PARVB: variants seen among roughly 807,000 people sequenced by gnomAD.
PARVB encodes parvin beta, also known as beta-parvin.
A neutral mutation model predicts 47.0 loss-of-function variants in PARVB; 46 were observed. The ratio of observed to expected loss-of-function variants is 0.98; its 90% CI spans 0.77 to 1.25. PARVB has a LOEUF of 1.25. Ranked by LOEUF, PARVB falls within the 50% of genes most tolerant of loss-of-function variation. The probability of loss-of-function intolerance (pLI) is 0.00; values close to 1 mark genes in which losing one functional copy is unlikely to be tolerated. For synonymous variants in PARVB, 196 were observed against 196.3 expected, an observed-to-expected ratio of 1.00 and a Z score of 0.01; for missense variants, 473 against 471.6, an observed-to-expected ratio of 1.00 and a Z score of -0.03.
chr22:44,125,073 G>C lies in PARVB; in HGVS notation c.376+5933G>C, dbSNP rs1173518359. 6.6e-6 allele frequency among the ~76,000 whole-genome samples: 1 copy of C among 151,620 alleles called. No homozygotes were observed. On this transcript the variant is annotated intron_variant, in intron 4 of 12. Coordinates refer to ENST00000338758, the MANE Select transcript of PARVB (RefSeq NM_013327.5). The surrounding 1 kb of genome is among the most constrained non-coding windows in gnomAD (Gnocchi z 4.1). Reference sequence around the variant, plus strand: ...TGACAGGTGGTGGTGAGGGTGGGGGGATGAGGTGCTGGGGAGGCCATGTCC... The same window carrying C: ...TGACAGGTGGTGGTGAGGGTGGGGGCATGAGGTGCTGGGGAGGCCATGTCC...
At chr22:44,030,940 G>A (rs147064760) in intron 1 of PARVB, among the ~76,000 whole-genome samples, 8 of 152,240 alleles carry the variant, frequency 5.3e-5, no homozygotes, top group East Asian at 1.9e-4. Flanking sequence ...TGGCTGGTCC[G>A]AAGTTGGGGG....
Position 44,024,423 on chromosome 22 carries a change from C to A in PARVB, c.84C>A (p.Thr28=). ...DESFLGKLGG[T]LARKRRAREV... is the part of the protein sequence containing the mutation. ...CGTTCCTGGGCAAGCTGGGCGGCAC[C>A]CTGGCCAGGAAGCGGAGGGCGCGCG... The change falls in exon 1 of 13, where the codon ACC becomes ACA. Residue 28 remains threonine (T), a synonymous_variant. Coordinates refer to ENST00000338758, the MANE Select transcript of PARVB (RefSeq NM_013327.5). 1 of 1,240,600 alleles carries A rather than the reference C, an allele frequency of 8.1e-7. No individual in the cohort carries two copies. The allele number at this position is 1,240,600 out of a possible 1,614,324, so 76.8% of individuals were successfully genotyped here. A position where few individuals can be genotyped will look rare whatever the true frequency, so the allele number is the denominator to read the frequency against.
In PARVB at chr22:44,049,737, T is replaced by A. The variant is rs1286439469; in HGVS notation, c.112+25286T>A. ...CTGGAGATACTGGCTGGAAATCAAATTCAAATTGGTGCTTTCTTCCTATTA... is the reference window on the plus strand; with the variant it reads ...CTGGAGATACTGGCTGGAAATCAAAATCAAATTGGTGCTTTCTTCCTATTA... On this transcript the variant is annotated intron_variant, in intron 1 of 12. Transcript: ENST00000338758. This position sits in a 1 kb window ranked among gnomAD's most constrained non-coding sequence, Gnocchi z 4.0. Among the ~76,000 whole-genome samples, 5 of 152,224 alleles carry A rather than the reference T, an allele frequency of 3.3e-5. No individual in the cohort carries two copies. The highest frequency in any genetic ancestry group is 7.3e-5 in the Non-Finnish European group (5 of 68,046).
intron 10 of PARVB, 76 bp downstream of exon 10, chr22:44,151,627 CGT>C (rs2053812544): frequency 1.7e-6 from 2 of 1,173,598 alleles, no homozygotes; most frequent in Non-Finnish European, 2.6e-6. Flanking sequence ...AGGTGGGGCG[CGT>C]GAACAAAGCT....
intron 1 of PARVB, among the ~76,000 whole-genome samples, chr22:44,044,392 G>A (rs1195152362): frequency 2.6e-5 from 4 of 151,954 alleles, no homozygotes; most frequent in African/African-American, 4.8e-5. Flanking sequence ...GGGTTTCACC[G>A]TGTTAGCCAG....
chr22:44,095,080 C>T lies in PARVB; in HGVS notation c.202+1063C>T, dbSNP rs779791696. 2.9e-4 allele frequency among the ~76,000 whole-genome samples: 42 copies of T among 145,678 alleles called. 3 individuals carry two copies. Among genetic ancestry groups the T allele is most frequent in the Non-Finnish European group, 4.8e-4 (31 of 64,418 alleles). On this transcript the variant is annotated intron_variant, in intron 2 of 12. Coordinates refer to ENST00000338758, the MANE Select transcript of PARVB (RefSeq NM_013327.5). Reference sequence around the variant, plus strand: ...AGGTGGCTGGGGACTCTGGGCTCTGCGGCTCAGGCTCTGAGTGGTTTTCAT... The same window carrying T: ...AGGTGGCTGGGGACTCTGGGCTCTGTGGCTCAGGCTCTGAGTGGTTTTCAT...
intron 4 of PARVB, among the ~76,000 whole-genome samples, 188 bp from the exon 5 acceptor site, chr22:44,131,299 G>T (rs553469271): frequency 6.6e-6 from 1 of 151,698 alleles, no homozygotes; most frequent in East Asian, 2.0e-4. Context: ...GCGCCACCAC[G>T]CCTGGCTAAT....
At chr22:44,136,340 C>T in intron 6 of PARVB, 120 bp from the exon 7 acceptor site, 1 of 876,772 alleles carries the variant, frequency 1.1e-6, no homozygotes, top group Non-Finnish European at 1.9e-6. Context: ...CACCACCCCT[C>T]CTTCTCCTGT....
At chr22:44,016,178 G>C (rs920238788) in intron 2 of PARVB, among the ~76,000 whole-genome samples, 10 of 147,450 alleles carry the variant, frequency 6.8e-5, no homozygotes, top group South Asian at 2.2e-4. Flanking sequence ...CTCACTGCAA[G>C]CTCCACCTCC....
intron 2 of PARVB, among the ~76,000 whole-genome samples, chr22:44,013,334 T>C (rs1569049156): frequency 6.6e-6 from 1 of 152,232 alleles, no homozygotes; most frequent in Non-Finnish European, 1.5e-5. Context: ...CAAGAATTTA[T>C]TGTGGTCTAA....
At chr22:44,140,796 T>G (rs117899477) in intron 8 of PARVB, 5,272 of 299,086 alleles carry the variant, frequency 0.018, 71 homozygotes, top group Non-Finnish European at 0.026. Context: ...TTAGTGTTGG[T>G]TTTCAGTGGC....
At chr22:44,005,041 A>G (rs559643160) in intron 2 of PARVB, among the ~76,000 whole-genome samples, 1 of 152,366 alleles carries the variant, frequency 6.6e-6, no homozygotes, top group African/African-American at 2.4e-5. Context: ...TTATTTTGCA[A>G]TAAAGGTGGG....
chr22:44,026,320 G>T (rs367795082), intron 1 of PARVB: 2 of 985,522 alleles, frequency 2.0e-6, no homozygotes, highest in South Asian at 4.7e-5. Flanking sequence ...TAGAACGGGC[G>T]TGGAGGCAGG....
chr22:44,035,269 G>A (rs988007784), intron 1 of PARVB, among the ~76,000 whole-genome samples: 22 of 152,130 alleles, frequency 1.4e-4, no homozygotes, highest in South Asian at 1.0e-3. Context: ...TGAATGCTCT[G>A]AAGTGGCCGG....
At chr22:44,016,304 G>T (rs186950795) in intron 2 of PARVB, among the ~76,000 whole-genome samples, 1 of 151,852 alleles carries the variant, frequency 6.6e-6, no homozygotes, top group Non-Finnish European at 1.5e-5. Context: ...CACCGTGTTA[G>T]CCAGGATGGT....
chr22:44,092,386 G>A (rs142716832), intron 1 of PARVB, among the ~76,000 whole-genome samples: 119 of 152,316 alleles, frequency 7.8e-4, no homozygotes, highest in African/African-American at 2.7e-3. Context: ...TGGGATTACA[G>A]GTGTGAGCCA....
At chr22:44,031,023 A>G (rs2050817230) in intron 1 of PARVB, among the ~76,000 whole-genome samples, 1 of 152,124 alleles carries the variant, frequency 6.6e-6, no homozygotes. Flanking sequence ...TGGAGGTCCT[A>G]TTTGGAGCTG....
chr22:44,134,391 C>T lies in PARVB; in HGVS notation c.633+1382C>T, dbSNP rs549561521. The stretch of plus-strand genomic sequence containing the variant: ...CCCTAGGACACATTGGGATGTGGTT[C>T]CCAAGCCTACCTACGTCAGCTCGGG... On this transcript the variant is annotated intron_variant, in intron 6 of 12. Coordinates refer to ENST00000338758, the MANE Select transcript of PARVB (RefSeq NM_013327.5). Among the ~76,000 whole-genome samples, 4 of 152,316 alleles carry T rather than the reference C, an allele frequency of 2.6e-5. No individual in the cohort carries two copies. The South Asian group carries it at 8.3e-4, about 32-fold the overall frequency.
chr22:44,040,192 C>T (rs752099547), intron 1 of PARVB, among the ~76,000 whole-genome samples: 13 of 152,198 alleles, frequency 8.5e-5, no homozygotes, highest in African/African-American at 2.9e-4. Flanking sequence ...ATGGCATGTA[C>T]CTTTTAACTC....
Sources: allele counts gnomAD v4.1 joint callset (sites outside exome capture counted in the v4.1 genomes callset), GRCh38; gene constraint gnomAD v4.1.1; non-coding constraint Gnocchi (gnomAD v3.1); transcripts MANE v1.5; gene names NCBI Gene and HGNC (gene_info 2026-07-23, HGNC 2026-07-21).